The following APPL1 variants were observed in gnomAD, a reference collection of about 807,000 sequenced individuals.
APPL1 encodes the protein adaptor protein, phosphotyrosine interacting with PH domain and leucine zipper 1.
A neutral mutation model predicts 106.8 loss-of-function variants in APPL1; 42 were observed. The ratio of observed to expected loss-of-function variants is 0.39; its 90% CI spans 0.31 to 0.51. The LOEUF (loss-of-function observed/expected upper bound fraction) is 0.51, where lower values mean the gene tolerates loss of function less well. Ranked by LOEUF, APPL1 falls within the 20% of genes least tolerant of loss-of-function variation. APPL1 has a pLI of 0.75. For synonymous variants in APPL1, 263 were observed against 281.8 expected, an observed-to-expected ratio of 0.93 and a Z score of 0.67; for missense variants, 769 against 858.2, an observed-to-expected ratio of 0.90 and a Z score of 1.30.
Position 57,268,276 on chromosome 3 carries a change from G to A in APPL1, c.1894-122G>A, listed in dbSNP as rs1418459803. 8 of 981,992 alleles carry A rather than the reference G, an allele frequency of 8.1e-6. No individual in the cohort carries two copies. In the Admixed American group the frequency reaches 1.5e-4, roughly 18 times the overall value. The allele number at this position is 981,992 out of a possible 1,614,324, so 60.8% of individuals were successfully genotyped here. On this transcript the variant is annotated intron_variant, in intron 20 of 21. Coordinates refer to ENST00000288266, the MANE Select transcript of APPL1 (RefSeq NM_012096.3). ...TTACCATTGAATATAAACTGTTGAT[G>A]TGCTTTCTTATGTATAAATGCAAAA...
intron 4 of APPL1, 69 bp downstream of exon 4, chr3:57,238,185 A>G: frequency 8.7e-7 from 1 of 1,143,316 alleles, no homozygotes. Context: ...CTTAGCTTTT[A>G]TTTTATGAAT....
chr3:57,228,625 C>G lies in APPL1; in HGVS notation c.54+688C>G, dbSNP rs1323377694. Among the ~76,000 whole-genome samples, 2 of 152,252 alleles carry G rather than the reference C, an allele frequency of 1.3e-5. No homozygotes were observed. The stretch of plus-strand genomic sequence containing the variant: ...CTCATCAAAATAAAAGCCCTGTGTT[C>G]TGTGCGTCGGAATGATGCTGATGTG... On this transcript the variant is annotated intron_variant, in intron 1 of 21. Transcript: ENST00000288266. This position sits in a 1 kb window ranked among gnomAD's most constrained non-coding sequence, Gnocchi z 4.6.
chr3:57,237,647 C>G (rs1211080944), intron 3 of APPL1, 96 bp downstream of exon 3: 1 of 816,988 alleles, frequency 1.2e-6, no homozygotes, highest in Admixed American at 3.2e-5. Context: ...CTTGAATTCA[C>G]AGAATATGCC....
chr3:57,254,083 G>A (rs936538723), intron 13 of APPL1, among the ~76,000 whole-genome samples: 1 of 152,050 alleles, frequency 6.6e-6, no homozygotes, highest in Admixed American at 6.5e-5. Flanking sequence ...GGCTGGTCTC[G>A]AACTCCTGTC....
At chr3:57,236,463 G>C (rs181488569) in intron 2 of APPL1, among the ~76,000 whole-genome samples, 6 of 151,234 alleles carry the variant, frequency 4.0e-5, no homozygotes, top group African/African-American at 1.5e-4. Flanking sequence ...TGAGTAGCTG[G>C]AACTACAGGC....
chr3:57,241,900 A>C (rs1263861682), intron 5 of APPL1, among the ~76,000 whole-genome samples: 3 of 152,114 alleles, frequency 2.0e-5, no homozygotes, highest in African/African-American at 7.2e-5. Flanking sequence ...TAGCAAGTAG[A>C]TTTTCTGGTG....
chr3:57,229,699 C>A, intron 1 of APPL1, among the ~76,000 whole-genome samples: 1 of 93,118 alleles, frequency 1.1e-5, no homozygotes, highest in South Asian at 3.7e-4. Flanking sequence ...ACTGTGCCAG[C>A]TTTTTTTTTT....
chr3:57,260,072 A>G, intron 17 of APPL1, 45 bp from the exon 18 acceptor site: 1 of 1,606,086 alleles, frequency 6.2e-7, no homozygotes, highest in Non-Finnish European at 8.5e-7. Flanking sequence ...ACATGATTTC[A>G]GCCTAATTAA....
At chr3:57,266,107 T>C (rs2060893284) in intron 19 of APPL1, among the ~76,000 whole-genome samples, 2 of 152,242 alleles carry the variant, frequency 1.3e-5, no homozygotes, top group South Asian at 4.1e-4. Context: ...TAGTATTTTG[T>C]TGAGGATTTT....
intron 11 of APPL1, among the ~76,000 whole-genome samples, chr3:57,250,711 A>C (rs2060798856): frequency 6.6e-6 from 1 of 152,026 alleles, no homozygotes; most frequent in Non-Finnish European, 1.5e-5. Context: ...ATACAGTATA[A>C]TTTAAACATT....
intron 5 of APPL1, among the ~76,000 whole-genome samples, chr3:57,241,731 A>G (rs2060747599): frequency 6.6e-6 from 1 of 152,230 alleles, no homozygotes; most frequent in Non-Finnish European, 1.5e-5. Context: ...ACTGAATGGC[A>G]TAATCTTATT....
chr3:57,250,000 T>C (rs1235490094), intron 11 of APPL1, among the ~76,000 whole-genome samples: 1 of 152,172 alleles, frequency 6.6e-6, no homozygotes, highest in Non-Finnish European at 1.5e-5. Context: ...TATCGTAAAT[T>C]GTTGTGAGGA....
At position 57,246,528 on chromosome 3, in the gene APPL1, C is replaced by T. The variant is rs568925934; in HGVS notation, c.621+306C>T. On this transcript the variant is annotated intron_variant, in intron 8 of 21. Coordinates refer to ENST00000288266, the MANE Select transcript of APPL1 (RefSeq NM_012096.3). The stretch of plus-strand genomic sequence containing the variant: ...CTATTGCTAGAGCTTCAACTAAACA[C>T]TTGCTTCATAATAGATCTGAAAAAG... Among the ~76,000 whole-genome samples the T allele has an allele frequency of 1.2e-3, 187 of 152,252 alleles. 1 individual carries two copies. The highest frequency in any genetic ancestry group is 4.3e-3 in the African/African-American group (180 of 41,560).
intron 3 of APPL1, 42 bp downstream of exon 3, chr3:57,237,593 T>C (rs1402639271): frequency 1.4e-6 from 2 of 1,385,326 alleles, no homozygotes; most frequent in Admixed American, 2.0e-5. Context: ...TTTAAAAGTA[T>C]AGTATCTGTA....
chr3:57,253,703 A>G lies in APPL1; in HGVS notation c.1117A>G (p.Ile373Val), dbSNP rs766268541. Reference sequence around the variant, plus strand: ...GCAGTGGATCTGTACAATAAACAACATATCTAAACAAATATACTTAAGTGA... The same window carrying G: ...GCAGTGGATCTGTACAATAAACAACGTATCTAAACAAATATACTTAAGTGA... ...HEEWICTINN[I>V]SKQIYLSENP... The change falls in exon 13 of 22, where the codon ATA (isoleucine) becomes GTA (valine). Residue 373 changes from isoleucine (I) to valine (V), a missense_variant. Coordinates refer to ENST00000288266, the MANE Select transcript of APPL1 (RefSeq NM_012096.3). The G allele has an allele frequency of 4.8e-6, 7 of 1,450,672 alleles. No individual in the cohort carries two copies. Among genetic ancestry groups the G allele is most frequent in the Admixed American group, 5.4e-5 (2 of 36,832 alleles). The allele number at this position is 1,450,672 out of a possible 1,614,324, so 89.9% of individuals were successfully genotyped here.
intron 9 of APPL1, 115 bp downstream of exon 9, chr3:57,247,592 T>C (rs2060781282): frequency 1.4e-6 from 1 of 700,778 alleles, no homozygotes; most frequent in Non-Finnish European, 2.3e-6. Flanking sequence ...TTCCCTGCCA[T>C]GAGAGTTTCT....
chr3:57,263,216 T>A (rs1164274853), intron 19 of APPL1, among the ~76,000 whole-genome samples: 1 of 152,210 alleles, frequency 6.6e-6, no homozygotes, highest in African/African-American at 2.4e-5. Context: ...AATAACCACA[T>A]CATGGAAAAT....
At chr3:57,258,925 GCT>G in intron 15 of APPL1, 101 bp from the exon 16 acceptor site, 1 of 845,982 alleles carries the variant, frequency 1.2e-6, no homozygotes, top group African/African-American at 1.7e-5. Context: ...GCATTTTAGA[GCT>G]TTTTTTTTTT....
chr3:57,230,574 A>C, intron 1 of APPL1: 1 of 232,164 alleles, frequency 4.3e-6, no homozygotes, highest in Non-Finnish European at 9.3e-6. Flanking sequence ...AAACATTTGA[A>C]GACCACACAT....
Sources: allele counts gnomAD v4.1 joint callset (sites outside exome capture counted in the v4.1 genomes callset), GRCh38; gene constraint gnomAD v4.1.1; non-coding constraint Gnocchi (gnomAD v3.1); transcripts MANE v1.5; gene names NCBI Gene and HGNC (gene_info 2026-07-23, HGNC 2026-07-21).